The following MYOCD variants were observed in gnomAD, a reference collection of about 807,000 sequenced individuals.
MYOCD encodes myocardin.
Under a neutral mutation model 96.1 loss-of-function variants are expected in MYOCD, and 32 were observed. That is an observed-to-expected ratio of 0.33 (90% confidence interval 0.25 to 0.45). The LOEUF is 0.45. Ranked by LOEUF, MYOCD falls within the 20% of genes least tolerant of loss-of-function variation. The pLI is 1.00. For synonymous variants in MYOCD, 469 were observed against 469.0 expected, an observed-to-expected ratio of 1.00 and a Z score of 0.00; for missense variants, 1,133 against 1,200.6, an observed-to-expected ratio of 0.94 and a Z score of 0.83.
intron 8 of MYOCD, among the ~76,000 whole-genome samples, chr17:12,744,733 T>C (rs954152449): frequency 2.0e-5 from 3 of 152,212 alleles, no homozygotes; most frequent in African/African-American, 4.8e-5. Flanking sequence ...CTTAGGCATA[T>C]ATACCTGTGA....
intron 1 of MYOCD, among the ~76,000 whole-genome samples, chr17:12,682,199 G>A (rs1221163349): frequency 6.6e-6 from 1 of 152,126 alleles, no homozygotes; most frequent in Non-Finnish European, 1.5e-5. Context: ...CAGATGACAC[G>A]GGCCACTGGT....
chr17:12,742,676 T>C (rs1015321740), intron 7 of MYOCD, among the ~76,000 whole-genome samples: 1 of 152,050 alleles, frequency 6.6e-6, no homozygotes, highest in African/African-American at 2.4e-5. Flanking sequence ...GTTCAAGCTA[T>C]TCTACTGCCT....
At chr17:12,673,869 T>C (rs972651231) in intron 1 of MYOCD, among the ~76,000 whole-genome samples, 1 of 152,230 alleles carries the variant, frequency 6.6e-6, no homozygotes, top group Non-Finnish European at 1.5e-5. Flanking sequence ...TAACCTTGGG[T>C]ACTTACCCAA....
At chr17:12,686,471 G>T (rs1206839605) in intron 1 of MYOCD, among the ~76,000 whole-genome samples, 1 of 152,208 alleles carries the variant, frequency 6.6e-6, no homozygotes, top group Non-Finnish European at 1.5e-5. Context: ...GTGCAAAGCA[G>T]AAATTGAATG....
rs140790238 is a variant in MYOCD at position 12,740,192 on chromosome 17, T to C, written c.717+864T>C. 6.4e-3 allele frequency among the ~76,000 whole-genome samples: 980 copies of C among 152,246 alleles called. 16 individuals are homozygous for C. Among genetic ancestry groups the C allele is most frequent in the East Asian group, 0.038 (195 of 5,174 alleles). On this transcript the variant is annotated intron_variant, in intron 7 of 13. Coordinates refer to ENST00000425538, the MANE Select transcript of MYOCD (RefSeq NM_001146312.3). ...CCTCATGATCCACCTGCCTTGGCCTTCCAAAGTGCTGGGATTACAGGCGTG... is the reference window on the plus strand; with the variant it reads ...CCTCATGATCCACCTGCCTTGGCCTCCCAAAGTGCTGGGATTACAGGCGTG...
intron 5 of MYOCD, among the ~76,000 whole-genome samples, chr17:12,726,679 A>G (rs1009908042): frequency 3.3e-5 from 5 of 152,156 alleles, no homozygotes; most frequent in African/African-American, 1.2e-4. Flanking sequence ...ATGCTGGTCT[A>G]TGTTGTTTTT....
In MYOCD at chr17:12,753,273, C is replaced by T. The variant is rs1218718131; in HGVS notation, c.1985C>T (p.Pro662Leu). Residue 662 changes from proline to leucine, a missense_variant, in exon 10 of 14, where the codon CCC becomes CTC. By Grantham distance (98) the Pro-to-Leu change is moderately conservative. Coordinates refer to ENST00000425538, the MANE Select transcript of MYOCD (RefSeq NM_001146312.3). Reference protein sequence around the residue: ...PPSPNNPHFLPSSSGAQGEGH... With the variant: ...PPSPNNPHFLLSSSGAQGEGH... Reference sequence around the variant, plus strand: ...TCACCCAACAACCCTCACTTTCTGCCCTCATCCTCCGGGGCCCAGGGAGAA... The same window carrying T: ...TCACCCAACAACCCTCACTTTCTGCTCTCATCCTCCGGGGCCCAGGGAGAA... The T allele has an allele frequency of 2.5e-6, 4 of 1,613,990 alleles. No individual in the cohort carries two copies. Among genetic ancestry groups the T allele is most frequent in the Non-Finnish European group, 3.4e-6 (4 of 1,179,912 alleles).
chr17:12,756,680 AGCG>A, intron 11 of MYOCD, 123 bp downstream of exon 11: 1 of 458,624 alleles, frequency 2.2e-6, no homozygotes, highest in Non-Finnish European at 3.5e-6. Flanking sequence ...CAGGTGACAG[AGCG>A]AGACTGCATC....
chr17:12,742,691 C>T (rs1386736693), intron 7 of MYOCD, among the ~76,000 whole-genome samples: 2 of 152,118 alleles, frequency 1.3e-5, no homozygotes, highest in East Asian at 3.9e-4. Flanking sequence ...CTGCCTCACC[C>T]TCCCGAGAAG....
chr17:12,732,971 C>T (rs945706884), intron 5 of MYOCD, among the ~76,000 whole-genome samples: 13 of 152,174 alleles, frequency 8.5e-5, no homozygotes, highest in African/African-American at 3.1e-4. Flanking sequence ...CTCAAAAATT[C>T]AGCTATTTTG....
intron 9 of MYOCD, among the ~76,000 whole-genome samples, chr17:12,748,184 A>C (rs1332363227): frequency 4.6e-5 from 7 of 150,944 alleles, no homozygotes; most frequent in Non-Finnish European, 2.9e-5. Flanking sequence ...AAAAACAAAA[A>C]AACAAAAAAA....
Position 12,766,210 on chromosome 17 carries a change from T to A in MYOCD, c.*2566T>A, listed in dbSNP as rs541536204. ...AAACAAACTCACACAGTGCCCCTAC[T>A]CTGAGACCTGGGACTGAGTGTTAAT... On this transcript the variant is annotated 3_prime_UTR_variant, in exon 14 of 14. Coordinates refer to ENST00000425538, the MANE Select transcript of MYOCD (RefSeq NM_001146312.3). The A allele has an allele frequency of 1.3e-5, 2 of 152,302 alleles. 1 individual carries two copies. Among genetic ancestry groups the A allele is most frequent in the South Asian group, 4.2e-4 (2 of 4,818 alleles). The allele number at this position is 152,302 out of a possible 1,614,324, so 9.4% of individuals were successfully genotyped here. A position where few individuals can be genotyped will look rare whatever the true frequency, so the allele number is the denominator to read the frequency against.
Position 12,764,456 on chromosome 17 carries a change from T to G in MYOCD, c.*812T>G, listed in dbSNP as rs1044356758. 1 of 152,228 alleles carries G rather than the reference T, an allele frequency of 6.6e-6. No individual in the cohort carries two copies. Among genetic ancestry groups the G allele is most frequent in the Non-Finnish European group, 1.5e-5 (1 of 68,146 alleles). 9.4% of individuals were successfully genotyped at this position (152,228 alleles called of 1,614,324 possible). A position where few individuals can be genotyped will look rare whatever the true frequency, so the allele number is the denominator to read the frequency against. The stretch of plus-strand genomic sequence containing the variant: ...TTCCCCCGAAGGAGATGCCACAAGC[T>G]CTCCAACACAGCCCCCTTTAGTTCC... On this transcript the variant is annotated 3_prime_UTR_variant, in exon 14 of 14. Coordinates refer to ENST00000425538, the MANE Select transcript of MYOCD (RefSeq NM_001146312.3).
intron 12 of MYOCD, among the ~76,000 whole-genome samples, chr17:12,759,462 T>C (rs1258487250): frequency 2.0e-5 from 3 of 152,178 alleles, no homozygotes; most frequent in Admixed American, 2.0e-4. Flanking sequence ...TCTGGTACCT[T>C]CTGAACTGAT....
At chr17:12,733,733 G>T (rs537033435) in intron 5 of MYOCD, among the ~76,000 whole-genome samples, 1 of 152,246 alleles carries the variant, frequency 6.6e-6, no homozygotes, top group East Asian at 1.9e-4. Flanking sequence ...TGGGCATGGT[G>T]GCGCATGCCT....
chr17:12,672,766 A>C (rs1273000257), intron 1 of MYOCD, among the ~76,000 whole-genome samples: 1 of 152,202 alleles, frequency 6.6e-6, no homozygotes, highest in Non-Finnish European at 1.5e-5. Flanking sequence ...AATTGAATTC[A>C]AAGTGAATTA....
chr17:12,704,937 A>C, intron 1 of MYOCD, 191 bp from the exon 2 acceptor site: 2 of 566,594 alleles, frequency 3.5e-6, no homozygotes, highest in Non-Finnish European at 6.3e-6. Context: ...GACTTACTGC[A>C]AAACCTTGTA....
intron 1 of MYOCD, among the ~76,000 whole-genome samples, chr17:12,667,761 A>G (rs898101457): frequency 6.6e-6 from 1 of 152,172 alleles, no homozygotes; most frequent in Non-Finnish European, 1.5e-5. Flanking sequence ...AGTTTTTGCC[A>G]CACTCCCAAC....
chr17:12,758,925 T>C (rs890210520), intron 12 of MYOCD, among the ~76,000 whole-genome samples: 6 of 152,004 alleles, frequency 3.9e-5, no homozygotes, highest in Non-Finnish European at 7.4e-5. Flanking sequence ...GGTGTGTGCC[T>C]GTAATCCCAG....
Sources: allele counts gnomAD v4.1 joint callset (sites outside exome capture counted in the v4.1 genomes callset), GRCh38; gene constraint gnomAD v4.1.1; transcripts MANE v1.5; gene names NCBI Gene and HGNC (gene_info 2026-07-23, HGNC 2026-07-21).